TRPM1: variants seen among roughly 807,000 people sequenced by gnomAD.
TRPM1 encodes transient receptor potential cation channel subfamily M member 1.
TRPM1 carries 113 observed loss-of-function variants against 149.4 expected under a neutral mutation model. That is an observed-to-expected ratio of 0.76 (90% CI 0.65 to 0.88). TRPM1 has a LOEUF of 0.88. TRPM1 is among the 40% of genes least tolerant of loss of function. The pLI is 0.00. For missense variants in TRPM1, 1,976 were observed against 2,038.7 expected (o/e 0.97, Z 0.59); for synonymous variants, 741 against 759.5 (o/e 0.98, Z 0.40).
At chr15:31,153,286 C>T (rs1038936640) in intron 1 of TRPM1, among the ~76,000 whole-genome samples, 2 of 152,180 alleles carry the variant, frequency 1.3e-5, no homozygotes, top group African/African-American at 4.8e-5. Flanking sequence ...ACCTTGGTCT[C>T]CCAACTCTTA....
intron 1 of TRPM1, among the ~76,000 whole-genome samples, chr15:31,093,477 C>A (rs1323119985): frequency 6.6e-6 from 1 of 151,950 alleles, no homozygotes; most frequent in East Asian, 1.9e-4. Flanking sequence ...AGGTGAAGGC[C>A]TTGTACACTG....
At chr15:31,033,901 G>A (rs1208490610) in intron 21 of TRPM1, among the ~76,000 whole-genome samples, 1 of 152,164 alleles carries the variant, frequency 6.6e-6, no homozygotes, top group East Asian at 1.9e-4. Context: ...AGTAGTAGAA[G>A]GTGGCAAGTA....
In TRPM1 at chr15:31,002,814, G is replaced by A. The variant is rs761825403; in HGVS notation, c.3886C>T (p.Arg1296Ter). The A allele has an allele frequency of 8.7e-6, 14 of 1,614,132 alleles. No individual in the cohort carries two copies. The highest frequency in any genetic ancestry group is 4.5e-5 in the East Asian group (2 of 44,894). Residue 1296 changes from arginine (R) to a stop codon, truncating the protein, a stop_gained, in exon 28 of 28, where the codon CGA becomes TGA. Coordinates refer to ENST00000256552, the MANE Select transcript of TRPM1 (RefSeq NM_001252024.2). LOFTEE classifies it low-confidence loss of function (END_TRUNC). Reference protein sequence around the residue: ...INSADGYSLYRYHFNGEELLF... With the variant: ...INSADGYSLY Reference sequence around the variant, plus strand: ...AACTCTTCTCCGTTAAAATGATATCGATACAAGCTGTAGCCATCAGCGCTA... The same window carrying A: ...AACTCTTCTCCGTTAAAATGATATCAATACAAGCTGTAGCCATCAGCGCTA...
chr15:31,152,854 G>A (rs941587680), intron 1 of TRPM1, among the ~76,000 whole-genome samples: 1 of 152,080 alleles, frequency 6.6e-6, no homozygotes, highest in Non-Finnish European at 1.5e-5. Flanking sequence ...TGTTGCCCAG[G>A]CTGGTCTTGA....
At chr15:31,116,741 C>T (rs1251215508) in intron 1 of TRPM1, among the ~76,000 whole-genome samples, 1 of 152,078 alleles carries the variant, frequency 6.6e-6, no homozygotes, top group African/African-American at 2.4e-5. Context: ...TTAAGAATTT[C>T]CTAGGGAACC....
At chr15:31,061,121 C>G (rs2034220188) in intron 10 of TRPM1, among the ~76,000 whole-genome samples, 2 of 152,210 alleles carry the variant, frequency 1.3e-5, no homozygotes, top group African/African-American at 4.8e-5. Context: ...GGAAATTGGA[C>G]AGAACACTGC....
At chr15:31,142,638 A>G (rs879909055) in intron 1 of TRPM1, among the ~76,000 whole-genome samples, 1 of 152,174 alleles carries the variant, frequency 6.6e-6, no homozygotes, top group Non-Finnish European at 1.5e-5. Context: ...TTTCACAGTG[A>G]CTTGTAATCT....
intron 1 of TRPM1, among the ~76,000 whole-genome samples, chr15:31,130,662 G>T (rs1160021467): frequency 6.6e-6 from 1 of 152,162 alleles, no homozygotes; most frequent in Non-Finnish European, 1.5e-5. Flanking sequence ...TGATGCACCA[G>T]CTGATGCCAC....
Position 31,035,676 on chromosome 15 carries a change from TGAAA to T in TRPM1, c.2572-6_2572-3del. ...CAGCAGGTAGCCCAAGTATGATATCTGAAAGAAAGACAAGCTGTTAGCCGTGTTT... is the reference window on the plus strand; with the variant it reads ...CAGCAGGTAGCCCAAGTATGATATCTGAAAGACAAGCTGTTAGCCGTGTTT... On this transcript the variant is annotated splice_region_variant and splice_polypyrimidine_tract_variant and intron_variant, in intron 20 of 27. Transcript: ENST00000256552. 2.5e-6 allele frequency: 4 copies of T among 1,614,200 alleles called. No individual in the cohort carries two copies. The highest frequency in any genetic ancestry group is 3.4e-6 in the Non-Finnish European group (4 of 1,180,026).
At chr15:31,134,115 G>A (rs569966790) in intron 1 of TRPM1, among the ~76,000 whole-genome samples, 4 of 152,202 alleles carry the variant, frequency 2.6e-5, no homozygotes, top group Non-Finnish European at 4.4e-5. Context: ...TGAGAAGGAA[G>A]GGGAATGGGA....
chr15:31,009,741 T>TTGTTCAAATTGAA (rs2032115765), intron 27 of TRPM1, among the ~76,000 whole-genome samples: 2 of 152,068 alleles, frequency 1.3e-5, no homozygotes, highest in Non-Finnish European at 2.9e-5. Flanking sequence ...GCCCATTTAC[T>TTGTTCAAATTGAA]CTCTTGTTCA....
chr15:31,076,761 C>T, intron 3 of TRPM1, 144 bp downstream of exon 3: 1 of 715,002 alleles, frequency 1.4e-6, no homozygotes, highest in Non-Finnish European at 2.6e-6. Context: ...ACAAGGAGCC[C>T]CAGTGACTCC....
chr15:31,032,556 G>T, intron 22 of TRPM1, 133 bp downstream of exon 22: 1 of 1,038,444 alleles, frequency 9.6e-7, no homozygotes, highest in Non-Finnish European at 1.5e-6. Flanking sequence ...TTAAAGCAAA[G>T]AATATTTCCT....
At position 31,098,345 on chromosome 15, in the gene TRPM1, G is replaced by A. The variant is rs891066113; in HGVS notation, c.-84+3312C>T. ...ATCCCAGCTAGTTGGCAGGAGAATC[G>A]CTTGAATCTGGGAGGCGGAGGTTGC... On this transcript the variant is annotated intron_variant, in intron 1 of 27. Transcript: ENST00000256552. Among the ~76,000 whole-genome samples, 5 of 152,094 alleles carry A rather than the reference G, an allele frequency of 3.3e-5. No individual in the cohort carries two copies. The East Asian group carries it at 5.8e-4, about 18-fold the overall frequency.
chr15:31,095,458 G>A (rs1345375363), intron 1 of TRPM1, among the ~76,000 whole-genome samples: 1 of 152,148 alleles, frequency 6.6e-6, no homozygotes, highest in Non-Finnish European at 1.5e-5. Context: ...GCCGAGGCGG[G>A]TGGATCACCT....
chr15:31,138,663 G>T (rs2036121187), intron 1 of TRPM1, among the ~76,000 whole-genome samples: 2 of 152,060 alleles, frequency 1.3e-5, no homozygotes, highest in South Asian at 4.1e-4. Flanking sequence ...TTCAAGAGCA[G>T]CCTGGGTGAC....
rs189403420 is a variant in TRPM1 at position 31,160,333 on chromosome 15, C to A, written c.54+573G>T. ...TCTGGGGTTCCTGGGAGAGGCCGTT[C>A]CCCACAGCTGGTGCCTAGTCCTGGG... On this transcript the variant is annotated intron_variant, in intron 1 of 26. Transcript: ENST00000542188. Among the ~76,000 whole-genome samples the A allele has an allele frequency of 2.6e-3, 398 of 152,272 alleles. 2 individuals are homozygous for A. The highest frequency in any genetic ancestry group is 5.0e-3 in the Non-Finnish European group (342 of 68,008).
At chr15:31,090,098 G>C (rs931591299) in intron 1 of TRPM1, among the ~76,000 whole-genome samples, 1 of 152,234 alleles carries the variant, frequency 6.6e-6, no homozygotes, top group East Asian at 1.9e-4. Context: ...TGCAACCCTA[G>C]CCCCTAGCAG....
chr15:31,113,344 A>G (rs1263985684), intron 1 of TRPM1, among the ~76,000 whole-genome samples: 1 of 152,166 alleles, frequency 6.6e-6, no homozygotes, highest in Non-Finnish European at 1.5e-5. Flanking sequence ...AGACTTGGAA[A>G]GAGCCAGGGC....
Sources: gnomAD v4.1 joint callset for allele counts (sites outside exome capture counted in the v4.1 genomes callset) on GRCh38, gnomAD v4.1.1 for gene constraint, MANE v1.5 for transcripts, NCBI Gene and HGNC (gene_info 2026-07-23, HGNC 2026-07-21) for gene names.